CHCHD3: variants seen among roughly 807,000 people sequenced by gnomAD.
The protein encoded by CHCHD3 is MICOS complex subunit MIC19.
A neutral mutation model predicts 38.2 loss-of-function variants in CHCHD3; 20 were observed. That is an observed-to-expected ratio of 0.52 (90% confidence interval 0.37 to 0.76). The LOEUF (loss-of-function observed/expected upper bound fraction) is 0.76, where lower values mean the gene tolerates loss of function less well. Ranked by LOEUF, CHCHD3 falls within the 30% of genes least tolerant of loss-of-function variation. CHCHD3 has a pLI of 0.00. For synonymous variants in CHCHD3, 82 were observed against 100.0 expected (o/e 0.82, Z 1.07); for missense variants, 245 against 279.2 (o/e 0.88, Z 0.87).
chr7:133,051,327 G>C (rs931386226), intron 2 of CHCHD3, among the ~76,000 whole-genome samples: 1 of 152,110 alleles, frequency 6.6e-6, no homozygotes, highest in African/African-American at 2.4e-5. Flanking sequence ...AAACAGCGCG[G>C]GGAGATAGCA....
At chr7:132,922,307 T>A (rs961315405) in intron 4 of CHCHD3, among the ~76,000 whole-genome samples, 34 of 152,184 alleles carry the variant, frequency 2.2e-4, no homozygotes, top group African/African-American at 7.7e-4. Context: ...CTCAAAAATC[T>A]GTTCATAGGC....
rs552355342 is a variant in CHCHD3, at chr7:133,049,946, G to A, written c.169+20196C>T. ...TTGCTTCTAAGGTACACATTTATTC[G>A]TCTCTGATACCGACGGTATCTTCCT... On this transcript the variant is annotated intron_variant, in intron 2 of 7. Coordinates refer to ENST00000262570, the MANE Select transcript of CHCHD3 (RefSeq NM_017812.4). Among the ~76,000 whole-genome samples, 22 of 152,194 alleles carry A rather than the reference G, an allele frequency of 1.4e-4. No individual in the cohort carries two copies. The South Asian group carries it at 2.9e-3, about 20-fold the overall frequency.
intron 1 of CHCHD3, among the ~76,000 whole-genome samples, chr7:133,072,949 A>C (rs1814870720): frequency 6.6e-6 from 1 of 152,064 alleles, no homozygotes; most frequent in South Asian, 2.1e-4. Context: ...CAAGTAACTG[A>C]GTGATCCTCC....
At chr7:132,896,312 T>C (rs1189608841) in intron 4 of CHCHD3, among the ~76,000 whole-genome samples, 2 of 152,352 alleles carry the variant, frequency 1.3e-5, no homozygotes, top group African/African-American at 2.4e-5. Flanking sequence ...TGAGATTCCA[T>C]TGACACAAAC....
intron 4 of CHCHD3, among the ~76,000 whole-genome samples, chr7:132,925,877 T>C (rs944348636): frequency 1.3e-5 from 2 of 152,170 alleles, no homozygotes; most frequent in African/African-American, 4.8e-5. Context: ...AAATGTATAT[T>C]CACAAGGAAA....
At chr7:132,998,404 G>A (rs1812481407) in intron 3 of CHCHD3, among the ~76,000 whole-genome samples, 2 of 152,138 alleles carry the variant, frequency 1.3e-5, no homozygotes, top group Non-Finnish European at 2.9e-5. Flanking sequence ...GACTGCGGAC[G>A]CCAGGCAAAC....
intron 4 of CHCHD3, among the ~76,000 whole-genome samples, chr7:132,964,082 A>G (rs1811397752): frequency 6.6e-6 from 1 of 152,222 alleles, no homozygotes; most frequent in African/African-American, 2.4e-5. Context: ...CATAAAATTC[A>G]ATGAAAATAC....
At chr7:132,863,244 G>A (rs964524854) in intron 5 of CHCHD3, among the ~76,000 whole-genome samples, 1 of 152,208 alleles carries the variant, frequency 6.6e-6, no homozygotes, top group Admixed American at 6.5e-5. Context: ...TCCACAGGCT[G>A]TAGAATGGAC....
At chr7:132,843,267 G>A (rs1355196490) in intron 5 of CHCHD3, among the ~76,000 whole-genome samples, 1 of 151,872 alleles carries the variant, frequency 6.6e-6, no homozygotes, top group East Asian at 2.0e-4. Context: ...CACTTATGGA[G>A]CTTATTAAAC....
At chr7:132,992,846 C>A (rs1192483857) in intron 3 of CHCHD3, among the ~76,000 whole-genome samples, 1 of 152,106 alleles carries the variant, frequency 6.6e-6, no homozygotes, top group Admixed American at 6.5e-5. Flanking sequence ...ACATTAAATT[C>A]TCTCTATAAA....
intron 7 of CHCHD3, among the ~76,000 whole-genome samples, chr7:132,786,898 C>T (rs142465257): frequency 7.9e-5 from 12 of 152,270 alleles, no homozygotes; most frequent in Admixed American, 2.0e-4. Context: ...TTTTTCCTTC[C>T]GTTTCCCAGT....
intron 7 of CHCHD3, among the ~76,000 whole-genome samples, chr7:132,794,654 CATA>C (rs1207189021): frequency 6.6e-6 from 1 of 151,978 alleles, no homozygotes; most frequent in African/African-American, 2.4e-5. Context: ...ACTAGCTGAA[CATA>C]AAAGATTGGA....
chr7:132,807,609 ATATATATATATAT>A (rs1563241261), intron 6 of CHCHD3, among the ~76,000 whole-genome samples: 3 of 24,110 alleles, frequency 1.2e-4, no homozygotes, highest in African/African-American at 1.2e-3. Flanking sequence ...ACACATAAAT[ATATATATATATAT>A]ATATATATAT....
At chr7:132,919,539 A>C (rs942970554) in intron 4 of CHCHD3, among the ~76,000 whole-genome samples, 26 of 152,324 alleles carry the variant, frequency 1.7e-4, no homozygotes, top group African/African-American at 6.3e-4. Context: ...ACTTGGCTAA[A>C]TCCAGTCAAA....
intron 4 of CHCHD3, among the ~76,000 whole-genome samples, chr7:132,936,388 C>T (rs1003269864): frequency 2.6e-5 from 4 of 152,076 alleles, no homozygotes; most frequent in Admixed American, 6.6e-5. Flanking sequence ...CAAAAGCTTG[C>T]GGTTGCAAAA....
chr7:132,830,810 C>A (rs935383690), intron 6 of CHCHD3: 1 of 152,162 alleles, frequency 6.6e-6, no homozygotes, highest in Admixed American at 6.5e-5. Context: ...TAACTCGAAA[C>A]TTCTAAAGAC....
intron 5 of CHCHD3, among the ~76,000 whole-genome samples, chr7:132,869,749 A>G (rs1006820702): frequency 6.6e-6 from 1 of 151,472 alleles, no homozygotes; most frequent in Non-Finnish European, 1.5e-5. Context: ...ATGCTTGGCA[A>G]TTTTTTTTAT....
At chr7:132,837,636 TG>T (rs781325709) in intron 6 of CHCHD3, among the ~76,000 whole-genome samples, 3 of 152,244 alleles carry the variant, frequency 2.0e-5, no homozygotes, top group Non-Finnish European at 4.4e-5. Flanking sequence ...TGTAAACATG[TG>T]CAAGGAAGGA....
chr7:133,044,506 A>G (rs1562947139), intron 2 of CHCHD3, among the ~76,000 whole-genome samples: 1 of 152,234 alleles, frequency 6.6e-6, no homozygotes. Flanking sequence ...AATAATAACA[A>G]TAATAATACA....
Sources: gnomAD v4.1 joint callset for allele counts (sites outside exome capture counted in the v4.1 genomes callset) on GRCh38, gnomAD v4.1.1 for gene constraint, MANE v1.5 for transcripts, NCBI Gene and HGNC (gene_info 2026-07-23, HGNC 2026-07-21) for gene names.